Variants in TANC2 observed in about 807,000 individuals in gnomAD.
TANC2 encodes the protein protein TANC2.
TANC2 carries 26 observed loss-of-function variants against 210.5 expected under a neutral mutation model. The observed-to-expected ratio is 0.12, with a 90% CI of 0.09 to 0.17. The LOEUF (loss-of-function observed/expected upper bound fraction) is 0.17, where lower values mean the gene tolerates loss of function less well. TANC2 is among the 10% of genes least tolerant of loss of function. The pLI is 1.00. For synonymous variants in TANC2, 931 were observed against 967.1 expected, an observed-to-expected ratio of 0.96 and a Z score of 0.69; for missense variants, 2,129 against 2,608.9, an observed-to-expected ratio of 0.82 and a Z score of 4.01.
chr17:62,990,073 G>A (rs925358579), intron 1 of TANC2, among the ~76,000 whole-genome samples: 6 of 151,820 alleles, frequency 4.0e-5, no homozygotes, highest in African/African-American at 9.7e-5. Flanking sequence ...CACTGCACCC[G>A]GCCAAGGCAT....
chr17:63,416,896 TGAAAG>T (rs947074404), intron 26 of TANC2, among the ~76,000 whole-genome samples: 29 of 152,184 alleles, frequency 1.9e-4, no homozygotes, highest in Middle Eastern at 6.8e-3. Flanking sequence ...TCCTGTGAAA[TGAAAG>T]GAACAGCACC....
intron 2 of TANC2, among the ~76,000 whole-genome samples, chr17:63,066,018 C>A (rs1426432021): frequency 1.3e-5 from 2 of 152,002 alleles, no homozygotes; most frequent in African/African-American, 2.4e-5. Flanking sequence ...CTTAAGTGAT[C>A]CTCCTGCTTG....
intron 7 of TANC2, among the ~76,000 whole-genome samples, chr17:63,201,355 T>G (rs1351835000): frequency 1.3e-5 from 2 of 152,212 alleles, no homozygotes; most frequent in Non-Finnish European, 2.9e-5. Context: ...TGATTTGAGT[T>G]GTTCTGGGTC....
intron 5 of TANC2, among the ~76,000 whole-genome samples, chr17:63,158,916 C>G (rs1260227561): frequency 1.3e-5 from 2 of 152,102 alleles, no homozygotes; most frequent in African/African-American, 4.8e-5. Context: ...TAGAAGGATT[C>G]AGATCTTCAT....
At chr17:63,243,219 T>C (rs1003070989) in intron 8 of TANC2, among the ~76,000 whole-genome samples, 3 of 152,208 alleles carry the variant, frequency 2.0e-5, no homozygotes, top group Non-Finnish European at 4.4e-5. Context: ...AAGGAAATGC[T>C]GCAATTGAAA....
chr17:63,168,406 A>G (rs2040289562), intron 5 of TANC2, among the ~76,000 whole-genome samples: 1 of 152,164 alleles, frequency 6.6e-6, no homozygotes, highest in African/African-American at 2.4e-5. Context: ...ATATGGATCT[A>G]GTTTTTCTAC....
intron 11 of TANC2, among the ~76,000 whole-genome samples, chr17:63,330,834 G>A (rs928017136): frequency 7.9e-5 from 12 of 152,160 alleles, no homozygotes; most frequent in Admixed American, 7.2e-4. Context: ...CTAGCACTTT[G>A]AGAGGCCGAG....
chr17:63,389,080 A>T (rs1468976687), intron 16 of TANC2, among the ~76,000 whole-genome samples: 1 of 152,214 alleles, frequency 6.6e-6, no homozygotes, highest in Non-Finnish European at 1.5e-5. Flanking sequence ...TATGTTCAGC[A>T]CTACAGTATA....
chr17:63,382,056 G>T (rs1435203966), intron 15 of TANC2, among the ~76,000 whole-genome samples: 2 of 152,108 alleles, frequency 1.3e-5, no homozygotes, highest in Non-Finnish European at 2.9e-5. Context: ...TTGTTGAATT[G>T]AACCAAACTG....
intron 2 of TANC2, among the ~76,000 whole-genome samples, chr17:63,047,385 G>A (rs536044994): frequency 6.6e-6 from 1 of 152,274 alleles, no homozygotes; most frequent in East Asian, 1.9e-4. Flanking sequence ...AGTTATTTGT[G>A]GATATATGTT....
chr17:63,372,138 G>C (rs549992069), intron 14 of TANC2, among the ~76,000 whole-genome samples: 1 of 152,256 alleles, frequency 6.6e-6, no homozygotes, highest in African/African-American at 2.4e-5. Context: ...TTGAATATAA[G>C]ATTTACTATC....
intron 8 of TANC2, among the ~76,000 whole-genome samples, chr17:63,261,878 A>G (rs1275308824): frequency 6.6e-6 from 1 of 152,190 alleles, no homozygotes; most frequent in Non-Finnish European, 1.5e-5. Context: ...TTGAAGACAT[A>G]TTTACCTCTC....
chr17:63,122,789 C>A (rs1181067403), intron 4 of TANC2, among the ~76,000 whole-genome samples: 1 of 152,106 alleles, frequency 6.6e-6, no homozygotes, highest in Non-Finnish European at 1.5e-5. Flanking sequence ...TCAGATTCCC[C>A]AGATAAATTA....
intron 4 of TANC2, among the ~76,000 whole-genome samples, chr17:63,111,951 C>T (rs893423622): frequency 6.6e-6 from 1 of 152,142 alleles, no homozygotes; most frequent in African/African-American, 2.4e-5. Context: ...GTCTCGATCT[C>T]CTGACCTTGT....
intron 7 of TANC2, among the ~76,000 whole-genome samples, chr17:63,224,159 A>G (rs543660354): frequency 2.6e-5 from 4 of 152,196 alleles, no homozygotes; most frequent in Admixed American, 2.6e-4. Context: ...AATCTGTTCA[A>G]CCATCTTGCC....
rs764221772 is a variant in TANC2 at position 63,314,526 on chromosome 17, A to G, written c.1298A>G (p.Asn433Ser). Reference sequence around the variant, plus strand: ...ATAGATGCTCAACTTCAAAGTTCAAATGCCAGCGTGAACCAAGGAGTAGTG... The same window carrying G: ...ATAGATGCTCAACTTCAAAGTTCAAGTGCCAGCGTGAACCAAGGAGTAGTG... Residue 433 changes from asparagine (N) to serine (S), a missense_variant, in exon 10 of 28, where the codon AAT becomes AGT. By Grantham distance (46) the Asn-to-Ser change is conservative (BLOSUM62 1). Coordinates refer to ENST00000689528, the Ensembl canonical transcript of TANC2. The G allele has an allele frequency of 2.5e-6, 4 of 1,613,978 alleles. No individual in the cohort carries two copies. The South Asian group carries it at 4.4e-5, about 18-fold the overall frequency.
intron 9 of TANC2, among the ~76,000 whole-genome samples, chr17:63,300,947 G>A (rs2044693486): frequency 6.6e-6 from 1 of 152,110 alleles, no homozygotes; most frequent in Admixed American, 6.5e-5. Flanking sequence ...TTTGAGATAT[G>A]TTCCATCAAT....
intron 25 of TANC2, 64 bp from the exon 26 acceptor site, chr17:63,415,464 G>A: frequency 6.3e-7 from 1 of 1,583,200 alleles, no homozygotes; most frequent in East Asian, 2.2e-5. Context: ...AGGGAGTGGG[G>A]ACCACACTTC....
intron 4 of TANC2, among the ~76,000 whole-genome samples, chr17:63,110,599 G>A (rs569940801): frequency 4.2e-4 from 64 of 152,184 alleles, no homozygotes; most frequent in African/African-American, 1.4e-3. Flanking sequence ...CAGGAGGGAG[G>A]GACATTTCGT....
Sources: allele counts gnomAD v4.1 joint callset (sites outside exome capture counted in the v4.1 genomes callset), GRCh38; gene constraint gnomAD v4.1.1; transcripts MANE v1.5; gene names NCBI Gene and HGNC (gene_info 2026-07-23, HGNC 2026-07-21).